SNX24: variants seen among roughly 807,000 people sequenced by gnomAD.
SNX24 encodes the protein sorting nexin 24, also known as sorting nexin-24.
SNX24 carries 22 observed loss-of-function variants against 28.7 expected under a neutral mutation model. The observed-to-expected ratio is 0.77, with a 90% CI of 0.55 to 1.10. SNX24 has a LOEUF of 1.10. Ranked by LOEUF, SNX24 falls within the 50% of genes least tolerant of loss-of-function variation. The pLI, the probability that SNX24 is intolerant of heterozygous loss-of-function variation, is 0.00. For missense variants in SNX24, 221 were observed against 201.1 expected, an observed-to-expected ratio of 1.10 and a Z score of -0.60; for synonymous variants, 69 against 71.5, an observed-to-expected ratio of 0.96 and a Z score of 0.18.
At chr5:123,025,810 C>T (rs778342861) in intron 5 of SNX24, 1 of 1,613,566 alleles carries the variant, frequency 6.2e-7, no homozygotes, top group Non-Finnish European at 8.5e-7. Context: ...TTTCCAAACA[C>T]CACATGTTTG....
At chr5:122,995,995 G>A (rs577446778) in intron 3 of SNX24, among the ~76,000 whole-genome samples, 1 of 152,230 alleles carries the variant, frequency 6.6e-6, no homozygotes, top group East Asian at 1.9e-4. Context: ...TTAATTTTGG[G>A]AGCCCTCCAC....
intron 2 of SNX24, among the ~76,000 whole-genome samples, chr5:122,943,795 G>A (rs1363518897): frequency 6.6e-6 from 1 of 152,156 alleles, no homozygotes; most frequent in African/African-American, 2.4e-5. Flanking sequence ...CTCAAGAGGA[G>A]GGGATCATAC....
intron 1 of SNX24, among the ~76,000 whole-genome samples, chr5:122,907,884 A>G (rs1159159200): frequency 1.3e-5 from 2 of 151,774 alleles, no homozygotes; most frequent in Non-Finnish European, 2.9e-5. Flanking sequence ...AGCTCACTGA[A>G]TGGTAATTTT....
intron 1 of SNX24, among the ~76,000 whole-genome samples, chr5:122,856,559 A>G (rs1755203678): frequency 7.0e-6 from 1 of 142,688 alleles, no homozygotes; most frequent in South Asian, 2.2e-4. Context: ...AGAGTCATCC[A>G]GGCTGGAGTG....
chr5:123,015,069 G>T (rs1473201369), intron 5 of SNX24, among the ~76,000 whole-genome samples: 1 of 152,188 alleles, frequency 6.6e-6, no homozygotes, highest in African/African-American at 2.4e-5. Flanking sequence ...ACCATCTGAA[G>T]TTATCCTGTT....
intron 3 of SNX24, among the ~76,000 whole-genome samples, chr5:122,973,920 T>C (rs942921701): frequency 1.3e-5 from 2 of 152,170 alleles, no homozygotes; most frequent in African/African-American, 4.8e-5. Flanking sequence ...CACTGACACC[T>C]CAAGCACCAT....
At chr5:122,861,150 G>C (rs937342913) in intron 1 of SNX24, among the ~76,000 whole-genome samples, 3 of 151,836 alleles carry the variant, frequency 2.0e-5, no homozygotes, top group Non-Finnish European at 4.4e-5. Context: ...GACCAGCCTG[G>C]CGAACGTGGT....
At chr5:123,010,001 G>A (rs147812684), downstream of SNX24, among the ~76,000 whole-genome samples, 3 of 152,196 alleles carry the variant, frequency 2.0e-5, no homozygotes, top group African/African-American at 7.2e-5. Flanking sequence ...GAGCTCCCAG[G>A]AAATATAATG....
At chr5:122,965,241 G>A (rs2150142101) in intron 3 of SNX24, among the ~76,000 whole-genome samples, 1 of 152,270 alleles carries the variant, frequency 6.6e-6, no homozygotes, top group East Asian at 1.9e-4. Flanking sequence ...CAACAACAAG[G>A]GAATTTTCCT....
intron 3 of SNX24, among the ~76,000 whole-genome samples, chr5:122,978,703 A>ATG (rs1339178342): frequency 6.6e-6 from 1 of 152,202 alleles, no homozygotes; most frequent in Non-Finnish European, 1.5e-5. Flanking sequence ...AGCTTGTGGT[A>ATG]TGACTGAAAG....
chr5:123,000,027 T>C (rs947320507), intron 4 of SNX24, 21 bp downstream of exon 4: 24 of 1,436,400 alleles, frequency 1.7e-5, no homozygotes, highest in Non-Finnish European at 2.2e-5. Flanking sequence ...TGTTTGCATA[T>C]TGGATGTGTA....
rs1419516082 is a variant in SNX24 at position 122,928,919 on chromosome 5, C to G, written c.61-7815C>G. 2.0e-5 allele frequency among the ~76,000 whole-genome samples: 3 copies of G among 151,036 alleles called. No homozygotes were observed. The South Asian group carries it at 6.3e-4, about 32-fold the overall frequency. On this transcript the variant is annotated intron_variant, in intron 1 of 6. Coordinates refer to ENST00000261369, the MANE Select transcript of SNX24 (RefSeq NM_014035.4). Reference sequence around the variant, plus strand: ...TCAAGACCTCACCCAAAATTATAGCCGTATACTCATCCAGGCCCTCTCTGT... The same window carrying G: ...TCAAGACCTCACCCAAAATTATAGCGGTATACTCATCCAGGCCCTCTCTGT...
rs545062705 is a variant in SNX24, at chr5:122,994,264, T to C, written c.250-5648T>C. On this transcript the variant is annotated intron_variant, in intron 3 of 6. Coordinates refer to ENST00000261369, the MANE Select transcript of SNX24 (RefSeq NM_014035.4). ...GATTTCACTGTGTTCTCAGTGGAGA[T>C]GTGTCACCGTTTATGCTCGCCTTAG... is the stretch of plus-strand genomic sequence containing the variant. 2.0e-5 allele frequency among the ~76,000 whole-genome samples: 3 copies of C among 152,336 alleles called. No homozygotes were observed. In the East Asian group the frequency reaches 5.8e-4, roughly 29 times the overall value.
chr5:122,973,708 G>A (rs547513711), intron 3 of SNX24, among the ~76,000 whole-genome samples: 2 of 152,184 alleles, frequency 1.3e-5, no homozygotes, highest in Non-Finnish European at 2.9e-5. Flanking sequence ...CATCCTGCTC[G>A]TGATAGGCAG....
intron 5 of SNX24, chr5:123,028,895 C>G: frequency 2.6e-6 from 4 of 1,532,538 alleles, no homozygotes; most frequent in Non-Finnish European, 3.6e-6. Flanking sequence ...AGTTGAATAA[C>G]AAGTAACAGA....
intron 1 of SNX24, among the ~76,000 whole-genome samples, chr5:122,879,292 A>T (rs772530749): frequency 6.6e-6 from 1 of 152,230 alleles, no homozygotes; most frequent in Non-Finnish European, 1.5e-5. Context: ...TTTAGAGAAT[A>T]GGAAGGGGTC....
intron 1 of SNX24, among the ~76,000 whole-genome samples, chr5:122,899,417 A>G (rs1004124172): frequency 1.3e-5 from 2 of 152,098 alleles, no homozygotes; most frequent in African/African-American, 4.8e-5. Context: ...TTTTATTTTT[A>G]TTTATTTTTT....
At chr5:122,907,221 C>CA (rs1202309078) in intron 1 of SNX24, among the ~76,000 whole-genome samples, 1 of 152,078 alleles carries the variant, frequency 6.6e-6, no homozygotes, top group East Asian at 1.9e-4. Flanking sequence ...TTTTTATACT[C>CA]ACCTATTTAT....
At chr5:123,009,960 C>A (rs902444921), downstream of SNX24, among the ~76,000 whole-genome samples, 5 of 152,292 alleles carry the variant, frequency 3.3e-5, no homozygotes, top group Middle Eastern at 3.4e-3. Context: ...CAAGTAGAAT[C>A]AAAAAGGACC....
Sources: allele counts gnomAD v4.1 joint callset (sites outside exome capture counted in the v4.1 genomes callset), GRCh38; gene constraint gnomAD v4.1.1; transcripts MANE v1.5; gene names NCBI Gene and HGNC (gene_info 2026-07-23, HGNC 2026-07-21).